PDLIM5: variants seen among roughly 807,000 people sequenced by gnomAD.
The protein encoded by PDLIM5 is PDZ and LIM domain protein 5.
In PDLIM5, 34 loss-of-function variants were observed where a neutral mutation model predicts 64.2. That is an observed-to-expected ratio of 0.53 (90% confidence interval 0.40 to 0.71). The LOEUF is 0.71. Ranked by LOEUF, PDLIM5 falls within the 30% of genes least tolerant of loss-of-function variation. The pLI, the probability that PDLIM5 is intolerant of heterozygous loss-of-function variation, is 0.00. For synonymous variants in PDLIM5, 253 were observed against 269.1 expected (o/e 0.94, Z 0.59); for missense variants, 683 against 733.6 (o/e 0.93, Z 0.80).
At position 94,664,689 on chromosome 4, in the gene PDLIM5, G is replaced by A; in HGVS notation, c.*622G>A. The A allele has an allele frequency of 5.4e-6, 1 of 184,858 alleles. No individual in the cohort carries two copies. Among genetic ancestry groups the A allele is most frequent in the Non-Finnish European group, 1.0e-5 (1 of 98,088 alleles). 11.5% of individuals were successfully genotyped at this position (184,858 alleles called of 1,614,324 possible). A position where few individuals can be genotyped will look rare whatever the true frequency, so the allele number is the denominator to read the frequency against. ...GTTTGAGATCAGCCTGGCCAACATG[G>A]TGAAACCCCATCTCTACTAAAAATA... On this transcript the variant is annotated 3_prime_UTR_variant, in exon 13 of 13. Coordinates refer to ENST00000317968, the MANE Select transcript of PDLIM5 (RefSeq NM_006457.5).
At chr4:94,495,759 T>G (rs1310053466) in intron 2 of PDLIM5, among the ~76,000 whole-genome samples, 1 of 152,196 alleles carries the variant, frequency 6.6e-6, no homozygotes, top group Non-Finnish European at 1.5e-5. Context: ...GAAGCAAGGC[T>G]TGCAGGTGCA....
chr4:94,645,891 CT>C (rs1442929921), intron 9 of PDLIM5, among the ~76,000 whole-genome samples: 1 of 152,104 alleles, frequency 6.6e-6, no homozygotes, highest in African/African-American at 2.4e-5. Context: ...TGGCAGTGTA[CT>C]TTTATTCGTA....
At chr4:94,478,890 G>GT (rs67013211) in intron 2 of PDLIM5, among the ~76,000 whole-genome samples, 1,838 of 94,040 alleles carry the variant, frequency 0.02, 121 homozygotes, top group Admixed American at 0.036. Flanking sequence ...TGTGCTTGGT[G>GT]TTTTTTTTTT....
intron 2 of PDLIM5, among the ~76,000 whole-genome samples, chr4:94,483,109 T>C (rs1726016254): frequency 6.6e-6 from 1 of 152,130 alleles, no homozygotes; most frequent in Non-Finnish European, 1.5e-5. Flanking sequence ...ACTTAGCCCT[T>C]TTAAAAAGTT....
intron 9 of PDLIM5, among the ~76,000 whole-genome samples, chr4:94,645,323 A>G (rs1741327671): frequency 6.6e-6 from 1 of 152,208 alleles, no homozygotes; most frequent in African/African-American, 2.4e-5. Flanking sequence ...ATTGATGGGC[A>G]TTTGGGCTAG....
chr4:94,552,401 T>G (rs927354293), intron 3 of PDLIM5, among the ~76,000 whole-genome samples: 1 of 152,148 alleles, frequency 6.6e-6, no homozygotes, highest in African/African-American at 2.4e-5. Context: ...AATGAAAGTA[T>G]TGCTTAAAAG....
intron 7 of PDLIM5, among the ~76,000 whole-genome samples, chr4:94,598,476 G>A (rs564682569): frequency 8.5e-5 from 13 of 152,194 alleles, no homozygotes; most frequent in African/African-American, 1.9e-4. Context: ...GATATTAGAC[G>A]ATAATCTGGG....
intron 4 of PDLIM5, among the ~76,000 whole-genome samples, chr4:94,575,298 TGCCTAG>T (rs1284754117): frequency 6.6e-6 from 1 of 152,248 alleles, no homozygotes; most frequent in African/African-American, 2.4e-5. Context: ...CTTTGGAATA[TGCCTAG>T]GTTGACACTG....
At chr4:94,541,132 C>T (rs1385621277) in intron 3 of PDLIM5, among the ~76,000 whole-genome samples, 3 of 152,186 alleles carry the variant, frequency 2.0e-5, no homozygotes, top group Non-Finnish European at 4.4e-5. Flanking sequence ...AGAGCTGGAA[C>T]CTCTTATGCC....
At chr4:94,661,363 A>G (rs894663401) in intron 11 of PDLIM5, among the ~76,000 whole-genome samples, 3 of 152,168 alleles carry the variant, frequency 2.0e-5, no homozygotes, top group African/African-American at 7.2e-5. Flanking sequence ...ACTACACTCA[A>G]GCCTGGGTGA....
chr4:94,541,961 G>A (rs1578339443), intron 3 of PDLIM5, among the ~76,000 whole-genome samples: 4 of 152,170 alleles, frequency 2.6e-5, no homozygotes, highest in Admixed American at 2.6e-4. Context: ...CTGTTTCTTT[G>A]TGTCTTTTAT....
intron 3 of PDLIM5, among the ~76,000 whole-genome samples, chr4:94,541,687 T>G (rs374164308): frequency 9.3e-4 from 142 of 152,314 alleles, no homozygotes; most frequent in African/African-American, 3.2e-3. Flanking sequence ...TTCTACTGCT[T>G]CTGCCCATGG....
intron 2 of PDLIM5, 24 bp from the exon 3 acceptor site, chr4:94,523,699 TC>T: frequency 6.3e-7 from 1 of 1,591,080 alleles, no homozygotes; most frequent in South Asian, 1.1e-5. Flanking sequence ...AGAGTGACAC[TC>T]CTAATGAAAT....
intron 8 of PDLIM5, among the ~76,000 whole-genome samples, chr4:94,633,071 T>G (rs1393787156): frequency 1.3e-5 from 2 of 152,206 alleles, no homozygotes; most frequent in East Asian, 3.8e-4. Context: ...TTTTTAAGTG[T>G]GATAATGGCA....
chr4:94,654,068 C>G (rs991769609), intron 9 of PDLIM5, among the ~76,000 whole-genome samples: 2 of 152,124 alleles, frequency 1.3e-5, no homozygotes, highest in African/African-American at 4.8e-5. Context: ...GTGTCAAAGT[C>G]TCATCTCTGC....
At chr4:94,537,185 C>T (rs1447710756) in intron 3 of PDLIM5, among the ~76,000 whole-genome samples, 4 of 151,884 alleles carry the variant, frequency 2.6e-5, no homozygotes, top group Admixed American at 2.0e-4. Context: ...GGTTCATTTC[C>T]ACATCACAGT....
intron 2 of PDLIM5, chr4:94,489,167 G>T (rs1241160320): frequency 6.6e-6 from 1 of 152,120 alleles, no homozygotes; most frequent in Non-Finnish European, 1.5e-5. Flanking sequence ...ATAGTATATT[G>T]TCTATTTTTA....
chr4:94,579,288 GT>G (rs1348278744), intron 5 of PDLIM5: 3 of 291,008 alleles, frequency 1.0e-5, no homozygotes, highest in Non-Finnish European at 1.3e-5. Context: ...AAGGATTGCT[GT>G]TTTGCATCAA....
chr4:94,458,517 A>G (rs575084896), intron 2 of PDLIM5, among the ~76,000 whole-genome samples: 54 of 152,140 alleles, frequency 3.5e-4, no homozygotes, highest in Non-Finnish European at 6.6e-4. Flanking sequence ...GTCCACTGAA[A>G]TTAAGAAAGG....
Sources: gnomAD v4.1 joint callset for allele counts (sites outside exome capture counted in the v4.1 genomes callset) on GRCh38, gnomAD v4.1.1 for gene constraint, MANE v1.5 for transcripts, NCBI Gene and HGNC (gene_info 2026-07-23, HGNC 2026-07-21) for gene names.